LAMTOR3: variants seen among roughly 807,000 people sequenced by gnomAD.
LAMTOR3 encodes the protein late endosomal/lysosomal adaptor, MAPK and MTOR activator 3.
Under a neutral mutation model 20.3 loss-of-function variants are expected in LAMTOR3, and 14 were observed. The observed-to-expected ratio is 0.69, with a 90% CI of 0.46 to 1.08. LAMTOR3 has a LOEUF of 1.08. Among genes scored for constraint, LAMTOR3 ranks in the 50% least tolerant of loss-of-function variants. LAMTOR3 has a pLI of 0.00. For missense variants in LAMTOR3, 125 were observed against 143.7 expected (o/e 0.87, Z 0.67); for synonymous variants, 40 against 49.4 (o/e 0.81, Z 0.80).
intron 4 of LAMTOR3, among the ~76,000 whole-genome samples, chr4:99,886,589 C>G (rs1380852831): frequency 6.6e-6 from 1 of 152,168 alleles, no homozygotes; most frequent in Non-Finnish European, 1.5e-5. Context: ...CACTTTATCA[C>G]CTTCACTTAT....
In LAMTOR3 at chr4:99,885,632, G is replaced by C; in HGVS notation, c.147C>G (p.Phe49Leu). The stretch of plus-strand genomic sequence containing the variant: ...CTGTTGCAAGGGCAAAAGTGGATAA[G>C]AAACCAGGTCGCAAAGCATGCTCTG... ...NAPEHALRPG[F>L]LSTFALATDQ... Residue 49 changes from phenylalanine (F) to leucine (L), a missense_variant, in exon 5 of 7, where the codon TTC (phenylalanine) becomes TTG (leucine). By Grantham distance (22) the Phe-to-Leu change is conservative. Transcript: ENST00000499666. 6.2e-7 allele frequency: 1 copy of C among 1,613,404 alleles called. No homozygotes were observed. The highest frequency in any genetic ancestry group is 1.7e-4 in the Middle Eastern group (1 of 6,058).
rs185362979 is a variant in LAMTOR3 at position 99,884,602 on chromosome 4, T to C, written c.238-477A>G. The stretch of plus-strand genomic sequence containing the variant: ...AAACTTAGTTTAAACCTAATCCTTA[T>C]TGATGAAATTAAAGGTCAGATGGTT... On this transcript the variant is annotated intron_variant, in intron 5 of 6. Coordinates refer to ENST00000499666, the MANE Select transcript of LAMTOR3 (RefSeq NM_021970.4). Among the ~76,000 whole-genome samples, 458 of 152,318 alleles carry C rather than the reference T, an allele frequency of 3.0e-3. 3 individuals carry two copies. Among genetic ancestry groups the C allele is most frequent in the Admixed American group, 5.6e-3 (85 of 15,290 alleles).
chr4:99,894,123 G>C, intron 1 of LAMTOR3, 123 bp from the exon 2 acceptor site: 1 of 531,424 alleles, frequency 1.9e-6, no homozygotes. Context: ...CTAGGGCTTG[G>C]CCCAGCGAGC....
intron 2 of LAMTOR3, among the ~76,000 whole-genome samples, chr4:99,892,679 C>CT (rs554934243): frequency 1.7e-5 from 2 of 116,170 alleles, no homozygotes; most frequent in African/African-American, 4.0e-5. Context: ...TGTGAGGCAA[C>CT]ATTTTTTTTT....
intron 3 of LAMTOR3, among the ~76,000 whole-genome samples, chr4:99,889,967 A>G (rs1258119275): frequency 6.6e-6 from 1 of 152,226 alleles, no homozygotes; most frequent in East Asian, 1.9e-4. Flanking sequence ...TCTTAAGTAT[A>G]TAATTTTAGA....
intron 3 of LAMTOR3, among the ~76,000 whole-genome samples, chr4:99,888,960 T>C (rs984608647): frequency 3.9e-5 from 6 of 152,136 alleles, no homozygotes; most frequent in Non-Finnish European, 7.4e-5. Context: ...ATCCCAGCAA[T>C]TTGGGAGGCC....
At chr4:99,889,741 A>G (rs1724990361) in intron 3 of LAMTOR3, among the ~76,000 whole-genome samples, 1 of 152,192 alleles carries the variant, frequency 6.6e-6, no homozygotes, top group South Asian at 2.1e-4. Flanking sequence ...GAACTCTGTG[A>G]ATGTACTACT....
rs1429845833 is a variant in LAMTOR3 at position 99,891,919 on chromosome 4, T to C, written c.44+81A>G. 19 of 1,511,104 alleles carry C rather than the reference T, an allele frequency of 1.3e-5. No homozygotes were observed. The Admixed American group carries it at 3.6e-4, about 29-fold the overall frequency. The allele number at this position is 1,511,104 out of a possible 1,614,324, so 93.6% of individuals were successfully genotyped here. ...GAAATCTCAGAGATACTTCACAACA[T>C]GGAAAATACAGACAAAATGCTTCAT... On this transcript the variant is annotated intron_variant, in intron 3 of 6. Transcript: ENST00000499666.
rs1439656159 is a variant in LAMTOR3, at chr4:99,881,181, A to T, written c.*813T>A. ...ATTTTTGGAAAAAGTCTGAACAAAA[A>T]AAGGACCTATACAGTGCTCAAACTA... On this transcript the variant is annotated 3_prime_UTR_variant, in exon 7 of 7. Coordinates refer to ENST00000499666, the MANE Select transcript of LAMTOR3 (RefSeq NM_021970.4). 6.6e-6 allele frequency: 1 copy of T among 152,248 alleles called. No individual in the cohort carries two copies. The highest frequency in any genetic ancestry group is 1.5e-5 in the Non-Finnish European group (1 of 68,038). The allele number at this position is 152,248 out of a possible 1,614,324, so 9.4% of individuals were successfully genotyped here. A position where few individuals can be genotyped will look rare whatever the true frequency, so the allele number is the denominator to read the frequency against.
intron 1 of LAMTOR3, 74 bp from the exon 2 acceptor site, chr4:99,894,074 G>A (rs747714297): frequency 7.3e-5 from 72 of 989,206 alleles, no homozygotes; most frequent in Non-Finnish European, 9.8e-5. Context: ...TAATACGCGA[G>A]ATCAGCCCTG....
intron 3 of LAMTOR3, among the ~76,000 whole-genome samples, chr4:99,891,606 T>C (rs1455825065): frequency 6.6e-6 from 1 of 152,092 alleles, no homozygotes; most frequent in Non-Finnish European, 1.5e-5. Flanking sequence ...TGATAAAGTA[T>C]GTGACATTTA....
chr4:99,881,240 A>G lies in LAMTOR3; in HGVS notation c.*754T>C, dbSNP rs1724821721. The G allele has an allele frequency of 6.6e-6, 1 of 152,216 alleles. No homozygotes were observed. The highest frequency in any genetic ancestry group is 1.5e-5 in the Non-Finnish European group (1 of 68,038). 9.4% of individuals were successfully genotyped at this position (152,216 alleles called of 1,614,324 possible). On this transcript the variant is annotated 3_prime_UTR_variant, in exon 7 of 7. Transcript: ENST00000499666. ...AAAATACTATTTTATTTTTACTCAC[A>G]TATGAAAAAAATGGCTGTACTATCA...
chr4:99,889,899 TTC>T (rs1427447054), intron 3 of LAMTOR3, among the ~76,000 whole-genome samples: 1 of 152,210 alleles, frequency 6.6e-6, no homozygotes, highest in African/African-American at 2.4e-5. Flanking sequence ...TAAAAGGACT[TTC>T]TTTTTGATGG....
intron 6 of LAMTOR3, 131 bp from the exon 7 acceptor site, chr4:99,882,198 A>C: frequency 1.6e-6 from 1 of 608,980 alleles, no homozygotes; most frequent in South Asian, 2.0e-5. Flanking sequence ...CCCATGACTG[A>C]AACAAAATAC....
In LAMTOR3 at chr4:99,892,784, T is replaced by G. The variant is rs151266944; in HGVS notation, c.10-750A>C. ...ACCTCTGCCTCCCAGGTTCAAACGA[T>G]TCTCCTGCCTCAACCTCCCGAGTAG... On this transcript the variant is annotated intron_variant, in intron 2 of 6. Transcript: ENST00000499666. Among the ~76,000 whole-genome samples the G allele has an allele frequency of 6.8e-3, 1,036 of 151,628 alleles. 7 individuals are homozygous for G. The highest frequency in any genetic ancestry group is 7.9e-3 in the Non-Finnish European group (540 of 67,962).
chr4:99,879,369 C>A lies in LAMTOR3; in HGVS notation c.*2625G>T, dbSNP rs1168081772. On this transcript the variant is annotated 3_prime_UTR_variant, in exon 7 of 7. Coordinates refer to ENST00000499666, the MANE Select transcript of LAMTOR3 (RefSeq NM_021970.4). The stretch of plus-strand genomic sequence containing the variant: ...GGATAGTTTATCTATTATACCCCCT[C>A]AGAAATTTTAACAGTGGCAGCATTC... 6.6e-6 allele frequency: 1 copy of A among 152,126 alleles called. No individual in the cohort carries two copies. Among genetic ancestry groups the A allele is most frequent in the African/African-American group, 2.4e-5 (1 of 41,416 alleles). 9.4% of individuals were successfully genotyped at this position (152,126 alleles called of 1,614,324 possible).
At chr4:99,883,015 A>C (rs1724856815) in intron 6 of LAMTOR3, among the ~76,000 whole-genome samples, 1 of 152,070 alleles carries the variant, frequency 6.6e-6, no homozygotes, top group Non-Finnish European at 1.5e-5. Flanking sequence ...AAAGGGTCCA[A>C]GTACTAAAAT....
intron 2 of LAMTOR3, 85 bp downstream of exon 2, chr4:99,893,870 T>C (rs2110184722): frequency 8.9e-7 from 1 of 1,118,886 alleles, no homozygotes. Flanking sequence ...CAAATTTCTG[T>C]TTGGGAAGTT....
In LAMTOR3 at chr4:99,882,020, G is replaced by T. The variant is rs1355507760; in HGVS notation, c.349C>A (p.Leu117Met). 6.2e-7 allele frequency: 1 copy of T among 1,602,236 alleles called. No homozygotes were observed. Among genetic ancestry groups the T allele is most frequent in the East Asian group, 2.3e-5 (1 of 44,154 alleles). The stretch of plus-strand genomic sequence containing the variant: ...TAAGAAACTTCCACAACTTGTCTCA[G>T]TTCTTCAAACAATGGAGCAAGTTCC... Reference protein sequence around the residue: ...EKELAPLFEELRQVVEVS With the variant: ...EKELAPLFEEMRQVVEVS The change falls in exon 7 of 7, where the codon CTG (leucine) becomes ATG (methionine). Residue 117 changes from leucine (L) to methionine (M), a missense_variant. By Grantham distance (15) the Leu-to-Met change is conservative. Transcript: ENST00000499666.
Sources: gnomAD v4.1 joint callset for allele counts (sites outside exome capture counted in the v4.1 genomes callset) on GRCh38, gnomAD v4.1.1 for gene constraint, MANE v1.5 for transcripts, NCBI Gene and HGNC (gene_info 2026-07-23, HGNC 2026-07-21) for gene names.